Variants in GRM4 observed in about 807,000 individuals in gnomAD.
GRM4 encodes the protein metabotropic glutamate receptor 4.
GRM4 carries 28 observed loss-of-function variants against 81.7 expected under a neutral mutation model. The observed-to-expected ratio is 0.34, with a 90% CI of 0.25 to 0.47. GRM4 has a LOEUF of 0.47. GRM4 is among the 20% of genes least tolerant of loss of function. The pLI, the probability that GRM4 is intolerant of heterozygous loss-of-function variation, is 1.00. For synonymous variants in GRM4, 488 were observed against 528.8 expected (o/e 0.92, Z 1.06); for missense variants, 948 against 1,290.0 (o/e 0.73, Z 4.06).
chr6:34,053,032 C>T (rs1765689889), intron 6 of GRM4, among the ~76,000 whole-genome samples: 1 of 152,226 alleles, frequency 6.6e-6, no homozygotes, highest in South Asian at 2.1e-4. Flanking sequence ...CCCAACTCTC[C>T]CACTTCCTCT....
chr6:34,050,923 G>T (rs1004278040), intron 6 of GRM4, among the ~76,000 whole-genome samples: 2 of 152,186 alleles, frequency 1.3e-5, no homozygotes, highest in Non-Finnish European at 2.9e-5. Context: ...CAGGCTCTTC[G>T]TCTATGCTGT....
At chr6:34,108,223 C>G (rs1358565896) in intron 2 of GRM4, among the ~76,000 whole-genome samples, 1 of 152,234 alleles carries the variant, frequency 6.6e-6, no homozygotes, top group Admixed American at 6.5e-5. Context: ...TGACCTCAAA[C>G]CAGACAGTCC....
At chr6:34,140,842 A>G (rs994597654) in intron 1 of GRM4, among the ~76,000 whole-genome samples, 2 of 152,214 alleles carry the variant, frequency 1.3e-5, no homozygotes, top group African/African-American at 4.8e-5. Context: ...TCAACAACCC[A>G]GCACTGCCCT....
At chr6:34,049,146 T>C (rs1356314703) in intron 6 of GRM4, among the ~76,000 whole-genome samples, 1 of 152,028 alleles carries the variant, frequency 6.6e-6, no homozygotes, top group African/African-American at 2.4e-5. Flanking sequence ...TGTCATCAGT[T>C]TCTCTCCTCT....
intron 2 of GRM4, among the ~76,000 whole-genome samples, chr6:34,129,748 A>G (rs2127509283): frequency 6.6e-6 from 1 of 152,282 alleles, no homozygotes; most frequent in Non-Finnish European, 1.5e-5. Context: ...TCATGTTATC[A>G]GGGTTCAGCC....
intron 3 of GRM4, among the ~76,000 whole-genome samples, chr6:34,084,783 T>A (rs1170399786): frequency 6.6e-6 from 1 of 152,200 alleles, no homozygotes; most frequent in Non-Finnish European, 1.5e-5. Context: ...CTTTTGTTCC[T>A]ACTGTTCTCC....
intron 3 of GRM4, among the ~76,000 whole-genome samples, chr6:34,072,902 A>C (rs978126347): frequency 1.4e-4 from 5 of 35,552 alleles, no homozygotes; most frequent in African/African-American, 5.3e-4. Flanking sequence ...CAGATACCAC[A>C]CACACATCAC....
rs191407655 is a variant in GRM4 at position 34,131,297 on chromosome 6, G to A, written c.519+1681C>T. Among the ~76,000 whole-genome samples, 119 of 152,248 alleles carry A rather than the reference G, an allele frequency of 7.8e-4. No individual in the cohort carries two copies. In the Middle Eastern group the frequency reaches 0.01, roughly 13 times the overall value. ...GTTTCCTGCTTCATCTTCAAACTAC[G>A]TACATCCATGTTCAACCACTGATCA... On this transcript the variant is annotated intron_variant, in intron 2 of 10. Coordinates refer to ENST00000538487, the MANE Select transcript of GRM4 (RefSeq NM_000841.4).
chr6:34,065,264 T>C (rs903530743), intron 3 of GRM4, among the ~76,000 whole-genome samples: 4 of 152,126 alleles, frequency 2.6e-5, no homozygotes, highest in African/African-American at 7.2e-5. Flanking sequence ...CAGCCATCCC[T>C]GTGCCCAGCC....
rs962926943 is a variant in GRM4 at position 34,059,480 on chromosome 6, C to G, written c.873-352G>C. On this transcript the variant is annotated intron_variant, in intron 4 of 10. Transcript: ENST00000538487. The surrounding 1 kb of genome is among the most constrained non-coding windows in gnomAD (Gnocchi z 5.7). Reference sequence around the variant, plus strand: ...CTCAGGCCCCACAACCACCTCTGCCCAGCCCCGGTCCCCTGAGACGCATGC... The same window carrying G: ...CTCAGGCCCCACAACCACCTCTGCCGAGCCCCGGTCCCCTGAGACGCATGC... 3.0e-6 allele frequency: 1 copy of G among 331,310 alleles called. No individual in the cohort carries two copies. Among genetic ancestry groups the G allele is most frequent in the Admixed American group, 4.3e-5 (1 of 23,060 alleles). 20.5% of individuals were successfully genotyped at this position (331,310 alleles called of 1,614,324 possible).
At position 34,069,167 on chromosome 6, in the gene GRM4, TACACACACACAC is replaced by T. The variant is rs71000021; in HGVS notation, c.737-7151_737-7140del. On this transcript the variant is annotated intron_variant, in intron 3 of 10. Coordinates refer to ENST00000538487, the MANE Select transcript of GRM4 (RefSeq NM_000841.4). This position sits in a 1 kb window ranked among gnomAD's most constrained non-coding sequence, Gnocchi z 6.4. ...CTACCCCTGGACCCTCATGGGCGTA[TACACACACACAC>T]ACACACACACACACACACACACACA... Among the ~76,000 whole-genome samples, 30 of 134,704 alleles carry T rather than the reference TACACACACACAC, an allele frequency of 2.2e-4. No homozygotes were observed. The highest frequency in any genetic ancestry group is 3.9e-4 in the Non-Finnish European group (25 of 63,958). 88.4% of individuals were successfully genotyped at this position (134,704 alleles called of 152,430 possible).
chr6:34,022,720 A>G lies in GRM4; in HGVS notation c.*101T>C. 1 of 1,069,304 alleles carries G rather than the reference A, an allele frequency of 9.4e-7. No homozygotes were observed. The highest frequency in any genetic ancestry group is 1.4e-6 in the Non-Finnish European group (1 of 692,232). The allele number at this position is 1,069,304 out of a possible 1,614,324, so 66.2% of individuals were successfully genotyped here. On this transcript the variant is annotated 3_prime_UTR_variant, in exon 11 of 11. Transcript: ENST00000538487. The surrounding 1 kb of genome is among the most constrained non-coding windows in gnomAD (Gnocchi z 5.6). ...CACCAAGCCACGTCCGTGGGTGCCC[A>G]CGGGCAGGCAAGACAGCTGGGCCCT...
intron 9 of GRM4, among the ~76,000 whole-genome samples, chr6:34,033,480 T>C (rs1764532521): frequency 6.6e-6 from 1 of 152,066 alleles, no homozygotes; most frequent in Non-Finnish European, 1.5e-5. Context: ...TCACTCCCCC[T>C]CTCTGTGCCC....
At chr6:34,155,551 G>T (rs1013813597) in exon 1 of GRM4, 2 of 514,578 alleles carry the variant, frequency 3.9e-6, no homozygotes, top group African/African-American at 2.0e-5. Context: ...GGACAGACAG[G>T]GTCTCGCCAT....
chr6:34,130,642 A>T lies in GRM4; in HGVS notation c.519+2336T>A, dbSNP rs1421743728. On this transcript the variant is annotated intron_variant, in intron 2 of 10. Transcript: ENST00000538487. The surrounding 1 kb of genome is among the most constrained non-coding windows in gnomAD (Gnocchi z 4.1). ...TCTCAAAATATCTATGTTCCCAAGA[A>T]CACACTTTAAGACCTAACTCTGAGT... Among the ~76,000 whole-genome samples, 1 of 152,186 alleles carries T rather than the reference A, an allele frequency of 6.6e-6. No individual in the cohort carries two copies. The highest frequency in any genetic ancestry group is 2.4e-5 in the African/African-American group (1 of 41,444).
chr6:34,145,464 G>C (rs958593193), intron 1 of GRM4, among the ~76,000 whole-genome samples: 1 of 152,242 alleles, frequency 6.6e-6, no homozygotes, highest in African/African-American at 2.4e-5. Flanking sequence ...CTCCGGGCTG[G>C]GAAGGGAGCG....
intron 6 of GRM4, among the ~76,000 whole-genome samples, chr6:34,043,417 C>T (rs1346389422): frequency 2.0e-5 from 3 of 152,192 alleles, no homozygotes; most frequent in Non-Finnish European, 2.9e-5. Context: ...CACTTGCTCC[C>T]CGCAGGCCCC....
intron 2 of GRM4, among the ~76,000 whole-genome samples, chr6:34,125,968 T>G (rs943089321): frequency 6.6e-6 from 1 of 152,196 alleles, no homozygotes; most frequent in African/African-American, 2.4e-5. Flanking sequence ...CTATTCTGTA[T>G]CCCTAGCCTC....
chr6:34,103,825 G>A lies in GRM4; in HGVS notation c.520-11726C>T, dbSNP rs924392381. 29 of 1,430,140 alleles carry A rather than the reference G, an allele frequency of 2.0e-5. 1 individual carries two copies. In the Admixed American group the frequency reaches 5.5e-4, roughly 27 times the overall value. The allele number at this position is 1,430,140 out of a possible 1,614,324, so 88.6% of individuals were successfully genotyped here. On this transcript the variant is annotated intron_variant, in intron 2 of 10. Transcript: ENST00000538487. ...CTCCTCATCTGTCCACAGGCACCAC[G>A]GTGAAAGACTGGGATGTGTCAGGCA... is the stretch of plus-strand genomic sequence containing the variant.
Sources: allele counts gnomAD v4.1 joint callset (sites outside exome capture counted in the v4.1 genomes callset), GRCh38; gene constraint gnomAD v4.1.1; non-coding constraint Gnocchi (gnomAD v3.1); transcripts MANE v1.5; gene names NCBI Gene and HGNC (gene_info 2026-07-23, HGNC 2026-07-21).